The following ASCC3 variants were observed in gnomAD, a reference collection of about 807,000 sequenced individuals.
ASCC3 encodes activating signal cointegrator 1 complex subunit 3, also known as ASC-1 complex subunit P200.
A neutral mutation model predicts 256.3 loss-of-function variants in ASCC3; 158 were observed. The observed-to-expected ratio is 0.62, with a 90% CI of 0.54 to 0.70. ASCC3 has a LOEUF of 0.70. ASCC3 is among the 30% of genes least tolerant of loss of function. The pLI is 0.00. For synonymous variants in ASCC3, 948 were observed against 883.4 expected, an observed-to-expected ratio of 1.07 and a Z score of -1.30; for missense variants, 2,259 against 2,626.0, an observed-to-expected ratio of 0.86 and a Z score of 3.05.
intron 4 of ASCC3, among the ~76,000 whole-genome samples, chr6:100,835,673 G>A (rs543421225): frequency 6.6e-6 from 1 of 152,074 alleles, no homozygotes; most frequent in African/African-American, 2.4e-5. Flanking sequence ...GATTATTAGA[G>A]TTCTGAAGTA....
chr6:100,734,515 A>G (rs1176400303), intron 10 of ASCC3, among the ~76,000 whole-genome samples: 1 of 152,056 alleles, frequency 6.6e-6, no homozygotes, highest in East Asian at 1.9e-4. Context: ...CCCTGCTTCA[A>G]TTTTCTCATC....
chr6:100,706,419 C>G (rs997939488), intron 13 of ASCC3, among the ~76,000 whole-genome samples: 9 of 150,758 alleles, frequency 6.0e-5, no homozygotes, highest in Non-Finnish European at 1.2e-4. Flanking sequence ...CAGAACACTA[C>G]AGCTTAGTTA....
chr6:100,584,979 G>T (rs1452137151), intron 36 of ASCC3, among the ~76,000 whole-genome samples: 1 of 152,176 alleles, frequency 6.6e-6, no homozygotes, highest in Non-Finnish European at 1.5e-5. Flanking sequence ...CCCTTTGTGG[G>T]TAACCCGACC....
At chr6:100,872,836 G>A (rs1224694238) in intron 1 of ASCC3, among the ~76,000 whole-genome samples, 1 of 152,150 alleles carries the variant, frequency 6.6e-6, no homozygotes, top group Non-Finnish European at 1.5e-5. Flanking sequence ...CTAGGAAAAG[G>A]GGGAGAATAT....
chr6:100,637,961 A>G (rs1774927330), intron 25 of ASCC3, among the ~76,000 whole-genome samples: 1 of 152,222 alleles, frequency 6.6e-6, no homozygotes, highest in South Asian at 2.1e-4. Context: ...AGAATATTAC[A>G]TAAACTTAGT....
chr6:100,633,120 T>C (rs1274756405), intron 25 of ASCC3, among the ~76,000 whole-genome samples: 1 of 152,200 alleles, frequency 6.6e-6, no homozygotes, highest in African/African-American at 2.4e-5. Flanking sequence ...CAATTACTTG[T>C]AGTCAATTGT....
Position 100,510,041 on chromosome 6 carries a change from T to C in ASCC3, c.6352A>G (p.Ile2118Val). 2 of 1,614,174 alleles carry C rather than the reference T, an allele frequency of 1.2e-6. No individual in the cohort carries two copies. Among genetic ancestry groups the C allele is most frequent in the Non-Finnish European group, 1.7e-6 (2 of 1,180,026 alleles). The change falls in exon 41 of 42, where the codon ATA (isoleucine) becomes GTA (valine). Residue 2118 changes from isoleucine to valine, a missense_variant. Around this residue, in one of 2 missense-constraint regions of ASCC3, gnomAD observed 1,839 missense variants for 2,206.7 expected, o/e 0.83. Transcript: ENST00000369162. ...PKSKDEGWFL[I>V]LGEVDKRELI... Reference sequence around the variant, plus strand: ...TCTCTCTTATCCACTTCTCCTAATATCAAAAACCATCCTTCGTCTTTTGAT... The same window carrying C: ...TCTCTCTTATCCACTTCTCCTAATACCAAAAACCATCCTTCGTCTTTTGAT...
intron 4 of ASCC3, among the ~76,000 whole-genome samples, chr6:100,839,802 A>C (rs1772052105): frequency 6.6e-6 from 1 of 152,174 alleles, no homozygotes; most frequent in African/African-American, 2.4e-5. Context: ...TTCGAGTATT[A>C]TGCTCATCTC....
intron 34 of ASCC3, among the ~76,000 whole-genome samples, chr6:100,597,809 G>GTAAAAAAAAAAAAAAAAAA (rs1772376939): frequency 1.1e-5 from 1 of 88,610 alleles, no homozygotes; most frequent in Non-Finnish European, 2.3e-5. Flanking sequence ...CGTCTCTACT[G>GTAAAAAAAAAAAAAAAAAA]AAAAAAAAAA....
At chr6:100,571,973 ATGG>A (rs780343268) in intron 36 of ASCC3, among the ~76,000 whole-genome samples, 3 of 152,232 alleles carry the variant, frequency 2.0e-5, no homozygotes, top group Non-Finnish European at 4.4e-5. Flanking sequence ...ATATACACAA[ATGG>A]TGGTGACACC....
At chr6:100,509,704 C>T (rs1371765928) in intron 41 of ASCC3, among the ~76,000 whole-genome samples, 171 bp from the exon 42 acceptor site, 1 of 151,894 alleles carries the variant, frequency 6.6e-6, no homozygotes. Context: ...ATGGAGACCA[C>T]GGTGAAACCC....
intron 10 of ASCC3, among the ~76,000 whole-genome samples, chr6:100,743,396 T>C (rs762455458): frequency 1.3e-5 from 2 of 152,186 alleles, no homozygotes; most frequent in Non-Finnish European, 2.9e-5. Flanking sequence ...ATTTCGGCCA[T>C]AAGCTGATTC....
chr6:100,833,915 T>G (rs530054599), intron 4 of ASCC3, among the ~76,000 whole-genome samples: 5 of 152,076 alleles, frequency 3.3e-5, no homozygotes, highest in Non-Finnish European at 7.4e-5. Context: ...CCATCTTTAC[T>G]AAAAATACAA....
intron 13 of ASCC3, among the ~76,000 whole-genome samples, chr6:100,710,016 T>C (rs1235979825): frequency 6.6e-6 from 1 of 152,180 alleles, no homozygotes; most frequent in Non-Finnish European, 1.5e-5. Flanking sequence ...GAGACCTGTA[T>C]ACTAAACCTT....
chr6:100,737,296 T>C (rs1780222279), intron 10 of ASCC3, among the ~76,000 whole-genome samples: 1 of 151,942 alleles, frequency 6.6e-6, no homozygotes, highest in African/African-American at 2.4e-5. Flanking sequence ...AGAAAACGTG[T>C]GCCATGGTGG....
chr6:100,669,822 A>G (rs529640252), intron 14 of ASCC3, among the ~76,000 whole-genome samples: 2 of 152,006 alleles, frequency 1.3e-5, no homozygotes, highest in South Asian at 2.1e-4. Context: ...AACAGAAAAA[A>G]CAGTATTTAG....
At chr6:100,755,118 T>C (rs1329569469) in intron 10 of ASCC3, among the ~76,000 whole-genome samples, 1 of 152,032 alleles carries the variant, frequency 6.6e-6, no homozygotes, top group Non-Finnish European at 1.5e-5. Flanking sequence ...TTTCTGCACC[T>C]GGGTTTCTTA....
At chr6:100,590,177 A>T (rs1742472232) in intron 34 of ASCC3, 118 bp from the exon 35 acceptor site, 2 of 743,126 alleles carry the variant, frequency 2.7e-6, no homozygotes, top group Non-Finnish European at 4.6e-6. Context: ...ACCTATCCTC[A>T]GTAACATCAC....
chr6:100,756,848 T>TA (rs934266637), intron 10 of ASCC3, among the ~76,000 whole-genome samples: 24 of 152,256 alleles, frequency 1.6e-4, no homozygotes, highest in Middle Eastern at 6.8e-3. Context: ...TTATGAAATA[T>TA]AAAATTTTTT....
Sources: gnomAD v4.1 joint callset for allele counts (sites outside exome capture counted in the v4.1 genomes callset) on GRCh38, gnomAD v4.1.1 for gene constraint, gnomAD v4.1.1 regional missense constraint, MANE v1.5 for transcripts, NCBI Gene and HGNC (gene_info 2026-07-23, HGNC 2026-07-21) for gene names.